RAPGEF6: variants seen among roughly 807,000 people sequenced by gnomAD.
RAPGEF6 encodes the protein Rap guanine nucleotide exchange factor 6.
A neutral mutation model predicts 171.4 loss-of-function variants in RAPGEF6; 56 were observed. That is an observed-to-expected ratio of 0.33 (90% CI 0.26 to 0.41). The LOEUF (loss-of-function observed/expected upper bound fraction) is 0.41. RAPGEF6 is among the 10% of genes least tolerant of loss of function. The probability of loss-of-function intolerance (pLI) is 1.00; values close to 1 mark genes in which losing one functional copy is unlikely to be tolerated. For missense variants in RAPGEF6, 1,674 were observed against 1,921.4 expected, an observed-to-expected ratio of 0.87 and a Z score of 2.41; for synonymous variants, 692 against 650.1, an observed-to-expected ratio of 1.06 and a Z score of -0.98.
At position 131,427,219 on chromosome 5, in the gene RAPGEF6, C is replaced by T; in HGVS notation, c.*47G>A. 6.4e-7 allele frequency: 1 copy of T among 1,568,652 alleles called. No individual in the cohort carries two copies. On this transcript the variant is annotated 3_prime_UTR_variant, in exon 28 of 28. Transcript: ENST00000509018. ...TGCAGAATCATGAGGTGGTTCTTGC[C>T]CATTCCTCCACGACTTTCAGTGGTT...
At chr5:131,465,215 T>G (rs183651495) in intron 17 of RAPGEF6, among the ~76,000 whole-genome samples, 82 of 152,282 alleles carry the variant, frequency 5.4e-4, no homozygotes, top group Admixed American at 8.5e-4. Context: ...TGGTGAAATC[T>G]TAGTCTTTGC....
intron 7 of RAPGEF6, among the ~76,000 whole-genome samples, chr5:131,511,788 C>CCATGCCCAGCTGCT (rs1197940672): frequency 6.6e-6 from 1 of 152,138 alleles, no homozygotes; most frequent in Non-Finnish European, 1.5e-5. Flanking sequence ...GGGTGAGCCA[C>CCATGCCCAGCTGCT]CATGCCCAGC....
intron 1 of RAPGEF6, 43 bp from the exon 2 acceptor site, chr5:131,604,736 CTGT>C: frequency 1.3e-6 from 2 of 1,559,812 alleles, no homozygotes; most frequent in Non-Finnish European, 1.7e-6. Context: ...TTCAAATATG[CTGT>C]TTAAAATATA....
rs781742732 is a variant in RAPGEF6, at chr5:131,446,631, G to A, written c.3273C>T (p.Arg1091=). 1 of 1,614,180 alleles carries A rather than the reference G, an allele frequency of 6.2e-7. No individual in the cohort carries two copies. The highest frequency in any genetic ancestry group is 1.1e-5 in the South Asian group (1 of 91,090). The change falls in exon 22 of 28, where the codon CGC becomes CGT. Residue 1091 remains arginine (R), a synonymous_variant. Coordinates refer to ENST00000509018, the MANE Select transcript of RAPGEF6 (RefSeq NM_016340.6). ...VQGGAHKKRA[R]RSSLLNAKKL... is the part of the protein sequence containing the mutation. ...TCTTGGCATTAAGCAGAGAGCTGCG[G>A]CGTGCCCTTTTTTTGTGAGCACCTC...
intron 12 of RAPGEF6, 89 bp from the exon 13 acceptor site, chr5:131,495,749 A>G (rs1366985522): frequency 4.0e-6 from 6 of 1,482,396 alleles, no homozygotes; most frequent in Non-Finnish European, 5.4e-6. Context: ...AAACTCATGA[A>G]GAACTGACAA....
chr5:131,452,014 C>T (rs1045651632), intron 21 of RAPGEF6, among the ~76,000 whole-genome samples: 1 of 152,080 alleles, frequency 6.6e-6, no homozygotes, highest in South Asian at 2.1e-4. Flanking sequence ...GGGCGGATCA[C>T]GAGGTCAGGA....
chr5:131,554,442 T>C (rs1296283591), intron 5 of RAPGEF6, among the ~76,000 whole-genome samples: 1 of 152,192 alleles, frequency 6.6e-6, no homozygotes, highest in Non-Finnish European at 1.5e-5. Flanking sequence ...GCTAAAATAC[T>C]GGACAATAGG....
chr5:131,608,243 ATT>A (rs1055921457), intron 1 of RAPGEF6, among the ~76,000 whole-genome samples: 15 of 152,212 alleles, frequency 9.9e-5, no homozygotes, highest in African/African-American at 3.4e-4. Flanking sequence ...AACATTCACT[ATT>A]TGGCCCTTTA....
At chr5:131,444,164 T>C (rs1486655334) in intron 22 of RAPGEF6, among the ~76,000 whole-genome samples, 1 of 152,212 alleles carries the variant, frequency 6.6e-6, no homozygotes, top group Admixed American at 6.5e-5. Context: ...TCAACACAGC[T>C]ATAATAGCTA....
chr5:131,441,277 T>C (rs1014076178), intron 23 of RAPGEF6, among the ~76,000 whole-genome samples: 5 of 152,230 alleles, frequency 3.3e-5, no homozygotes, highest in Non-Finnish European at 5.9e-5. Flanking sequence ...TGAAGACTGA[T>C]ATATAAAATT....
chr5:131,474,879 T>C (rs905412323), intron 16 of RAPGEF6, among the ~76,000 whole-genome samples: 9 of 152,146 alleles, frequency 5.9e-5, no homozygotes, highest in Non-Finnish European at 1.2e-4. Flanking sequence ...AGCAAACCAT[T>C]AAAGAGGTTG....
At chr5:131,435,435 G>T (rs1241819464) in intron 24 of RAPGEF6, among the ~76,000 whole-genome samples, 13 of 152,126 alleles carry the variant, frequency 8.5e-5, no homozygotes, top group Admixed American at 8.5e-4. Flanking sequence ...CAATAATCTT[G>T]CTTCATTGTT....
intron 3 of RAPGEF6, among the ~76,000 whole-genome samples, chr5:131,595,980 C>T (rs371319025): frequency 1.3e-5 from 2 of 152,008 alleles, no homozygotes; most frequent in African/African-American, 4.8e-5. Flanking sequence ...TGGCGAAACC[C>T]TGTCTCTACT....
In RAPGEF6 at chr5:131,455,784, AAAT is replaced by A. The variant is rs1224747824; in HGVS notation, c.3076+14_3076+16del. On this transcript the variant is annotated intron_variant, in intron 20 of 27. Coordinates refer to ENST00000509018, the MANE Select transcript of RAPGEF6 (RefSeq NM_016340.6). ...ATAAACCATGTGGTAAAACATCAATAAATAATGTTTTCATACCTTCATGTAGAA... is the reference window on the plus strand; with the variant it reads ...ATAAACCATGTGGTAAAACATCAATAAATGTTTTCATACCTTCATGTAGAA... 1.3e-6 allele frequency: 2 copies of A among 1,583,004 alleles called. No individual in the cohort carries two copies. The highest frequency in any genetic ancestry group is 1.7e-5 in the Admixed American group (1 of 59,884).
At position 131,626,754 on chromosome 5, in the gene RAPGEF6, T is replaced by C. The variant is rs79401821; in HGVS notation, c.69+8208A>G. On this transcript the variant is annotated intron_variant, in intron 1 of 27. Coordinates refer to ENST00000509018, the MANE Select transcript of RAPGEF6 (RefSeq NM_016340.6). The stretch of plus-strand genomic sequence containing the variant: ...TATATCAGATATATTATTTCTTAAA[T>C]GAATGTACAAATTAATGTTATCATC... Among the ~76,000 whole-genome samples the C allele has an allele frequency of 7.5e-3, 1,146 of 152,300 alleles. 10 individuals carry two copies. Among genetic ancestry groups the C allele is most frequent in the African/African-American group, 0.026 (1,076 of 41,570 alleles).
intron 1 of RAPGEF6, among the ~76,000 whole-genome samples, chr5:131,612,710 T>A (rs1294180432): frequency 6.6e-6 from 1 of 152,192 alleles, no homozygotes; most frequent in Non-Finnish European, 1.5e-5. Context: ...AGAACTCCCA[T>A]AACTTGACTT....
At position 131,469,826 on chromosome 5, in the gene RAPGEF6, C is replaced by A. The variant is rs946152539; in HGVS notation, c.2239+2761G>T. 17 of 1,518,700 alleles carry A rather than the reference C, an allele frequency of 1.1e-5. No homozygotes were observed. In the African/African-American group the frequency reaches 2.2e-4, roughly 20 times the overall value. 94.1% of individuals were successfully genotyped at this position (1,518,700 alleles called of 1,614,324 possible). ...AATAAAAACCAACAGCTGTATGCAGCAAAAATAAAGCAAAATCAAAGTAAG... is the reference window on the plus strand; with the variant it reads ...AATAAAAACCAACAGCTGTATGCAGAAAAAATAAAGCAAAATCAAAGTAAG... On this transcript the variant is annotated intron_variant, in intron 17 of 27. Transcript: ENST00000509018.
chr5:131,573,786 T>C (rs1762446334), intron 4 of RAPGEF6, among the ~76,000 whole-genome samples: 1 of 152,154 alleles, frequency 6.6e-6, no homozygotes, highest in African/African-American at 2.4e-5. Context: ...GCCCAGTTCA[T>C]GGCCCACTTA....
chr5:131,592,821 T>C (rs1025540179), intron 3 of RAPGEF6, among the ~76,000 whole-genome samples: 1 of 152,206 alleles, frequency 6.6e-6, no homozygotes, highest in African/African-American at 2.4e-5. Context: ...TTAAGAAACA[T>C]GTTTCCTAGA....
Sources: allele counts gnomAD v4.1 joint callset (sites outside exome capture counted in the v4.1 genomes callset), GRCh38; gene constraint gnomAD v4.1.1; transcripts MANE v1.5; gene names NCBI Gene and HGNC (gene_info 2026-07-23, HGNC 2026-07-21).